SUGT1: variants seen among roughly 807,000 people sequenced by gnomAD.
SUGT1 encodes SGT1 assembly cochaperone of MIS12 kinetochore complex.
SUGT1 carries 15 observed loss-of-function variants against 56.1 expected under a neutral mutation model. The observed-to-expected ratio is 0.27, with a 90% confidence interval of 0.18 to 0.41. The LOEUF is 0.41. SUGT1 is among the 10% of genes least tolerant of loss of function. The probability of loss-of-function intolerance (pLI) is 1.00; values close to 1 mark genes in which losing one functional copy is unlikely to be tolerated. For synonymous variants in SUGT1, 123 were observed against 128.6 expected (o/e 0.96, Z 0.30); for missense variants, 347 against 382.2 (o/e 0.91, Z 0.77).
rs1204534323 is a variant in SUGT1, at chr13:52,698,777, C to T, written c.*10942C>T. 1 of 152,106 alleles carries T rather than the reference C, an allele frequency of 6.6e-6. No homozygotes were observed. Among genetic ancestry groups the T allele is most frequent in the Non-Finnish European group, 1.5e-5 (1 of 68,030 alleles). The allele number at this position is 152,106 out of a possible 1,614,324, so 9.4% of individuals were successfully genotyped here. On this transcript the variant is annotated 3_prime_UTR_variant, in exon 13 of 13. Coordinates refer to ENST00000310528, the MANE Select transcript of SUGT1 (RefSeq NM_006704.5). ...CTGCTGACATTCTGATATCGGACAA[C>T]TAAAATTATAACATTGGGCAGCTAT... is the stretch of plus-strand genomic sequence containing the variant.
At chr13:52,673,495 T>A (rs1594245570) in intron 10 of SUGT1, among the ~76,000 whole-genome samples, 1 of 152,212 alleles carries the variant, frequency 6.6e-6, no homozygotes, top group African/African-American at 2.4e-5. Flanking sequence ...AATTTCAAGT[T>A]GAGGTCAGCT....
chr13:52,672,159 T>C (rs1962972326), intron 10 of SUGT1, among the ~76,000 whole-genome samples: 1 of 152,186 alleles, frequency 6.6e-6, no homozygotes, highest in Non-Finnish European at 1.5e-5. Flanking sequence ...CTGGAAAAGA[T>C]AAAGGAGTTT....
At chr13:52,655,438 T>G (rs1435929740) in intron 2 of SUGT1, among the ~76,000 whole-genome samples, 1 of 152,212 alleles carries the variant, frequency 6.6e-6, no homozygotes, top group Non-Finnish European at 1.5e-5. Flanking sequence ...TTTTCTGAAT[T>G]ACAAAACCTA....
intron 7 of SUGT1, 118 bp from the exon 8 acceptor site, chr13:52,663,917 A>G (rs1208839962): frequency 3.2e-6 from 3 of 951,214 alleles, no homozygotes; most frequent in African/African-American, 3.4e-5. Context: ...GTTATTTTAT[A>G]TCAAAATAAC....
chr13:52,652,986 T>C (rs747213183), intron 1 of SUGT1, 28 bp downstream of exon 1: 1 of 1,614,178 alleles, frequency 6.2e-7, no homozygotes, highest in South Asian at 1.1e-5. Flanking sequence ...CCTTTGGTAT[T>C]TATTTTATCC....
intron 4 of SUGT1, among the ~76,000 whole-genome samples, 185 bp downstream of exon 4, chr13:52,658,653 T>C (rs1962279674): frequency 1.3e-5 from 2 of 152,112 alleles, no homozygotes; most frequent in African/African-American, 4.8e-5. Context: ...AAGTATGTGA[T>C]AGGAGATCTG....
chr13:52,660,544 G>A (rs1962395935), intron 5 of SUGT1, among the ~76,000 whole-genome samples: 1 of 152,150 alleles, frequency 6.6e-6, no homozygotes, highest in African/African-American at 2.4e-5. Context: ...TTGCCTTTCT[G>A]TTGTGTACCT....
Position 52,695,975 on chromosome 13 carries a change from T to TGG in SUGT1, c.*8140_*8141insGG, listed in dbSNP as rs1661788198. The TGG allele has an allele frequency of 1.3e-5, 2 of 152,238 alleles. No individual in the cohort carries two copies. The highest frequency in any genetic ancestry group is 4.1e-4 in the South Asian group (2 of 4,834). The allele number at this position is 152,238 out of a possible 1,614,324, so 9.4% of individuals were successfully genotyped here. A position where few individuals can be genotyped will look rare whatever the true frequency, so the allele number is the denominator to read the frequency against. ...ACTTTTGTGGCATTGGATTGGGTTA[T>TGG]TTGCTTATGGTTGAGACATCACTGG... is the stretch of plus-strand genomic sequence containing the variant. On this transcript the variant is annotated 3_prime_UTR_variant, in exon 13 of 13. Transcript: ENST00000310528.
intron 3 of SUGT1, among the ~76,000 whole-genome samples, chr13:52,657,894 A>G (rs1471061875): frequency 6.6e-6 from 1 of 152,234 alleles, no homozygotes; most frequent in African/African-American, 2.4e-5. Context: ...TTGACAGACT[A>G]TTAAAATGAA....
intron 7 of SUGT1, 32 bp downstream of exon 7, chr13:52,663,144 T>C: frequency 6.2e-7 from 1 of 1,600,416 alleles, no homozygotes; most frequent in Non-Finnish European, 8.5e-7. Context: ...TTCATGTTTT[T>C]ATTATTTTAA....
At chr13:52,658,296 T>C in intron 3 of SUGT1, 103 bp from the exon 4 acceptor site, 1 of 1,562,962 alleles carries the variant, frequency 6.4e-7, no homozygotes, top group Non-Finnish European at 8.6e-7. Context: ...ATTTGGCATT[T>C]CTACCAACTT....
chr13:52,665,466 T>C (rs1360429543), intron 8 of SUGT1, among the ~76,000 whole-genome samples, 171 bp from the exon 9 acceptor site: 1 of 151,664 alleles, frequency 6.6e-6, no homozygotes, highest in East Asian at 1.9e-4. Context: ...TTTCCATTAG[T>C]ACAGAGCATA....
In SUGT1 at chr13:52,697,552, C is replaced by T. The variant is rs1053192211; in HGVS notation, c.*9717C>T. The T allele has an allele frequency of 1.3e-5, 2 of 152,106 alleles. No homozygotes were observed. Among genetic ancestry groups the T allele is most frequent in the African/African-American group, 4.8e-5 (2 of 41,390 alleles). The allele number at this position is 152,106 out of a possible 1,614,324, so 9.4% of individuals were successfully genotyped here. A position where few individuals can be genotyped will look rare whatever the true frequency, so the allele number is the denominator to read the frequency against. ...ACAAAAGTTTGAATTGCTCACGTGT[C>T]CATTTTTTTTCTGGAATCCCTGAAG... On this transcript the variant is annotated 3_prime_UTR_variant, in exon 13 of 13. Coordinates refer to ENST00000310528, the MANE Select transcript of SUGT1 (RefSeq NM_006704.5).
At chr13:52,661,013 T>C (rs1962421445) in intron 5 of SUGT1, among the ~76,000 whole-genome samples, 1 of 152,142 alleles carries the variant, frequency 6.6e-6, no homozygotes, top group Non-Finnish European at 1.5e-5. Flanking sequence ...GGATTTGCCA[T>C]GTTGCCCAGG....
intron 10 of SUGT1, among the ~76,000 whole-genome samples, chr13:52,674,283 C>G (rs1299215567): frequency 6.6e-6 from 1 of 152,036 alleles, no homozygotes; most frequent in Non-Finnish European, 1.5e-5. Context: ...AACTCCTGAC[C>G]TCAGGTGATC....
At chr13:52,658,169 A>G in intron 3 of SUGT1, 2 of 1,456,886 alleles carry the variant, frequency 1.4e-6, no homozygotes, top group Non-Finnish European at 1.8e-6. Flanking sequence ...ATTTTGTGAC[A>G]CAGCTGTATT....
intron 12 of SUGT1, among the ~76,000 whole-genome samples, chr13:52,684,305 G>C (rs1963488382): frequency 6.6e-6 from 1 of 151,902 alleles, no homozygotes; most frequent in Non-Finnish European, 1.5e-5. Context: ...CCTTGCTAGA[G>C]GTTTAAAGGA....
intron 1 of SUGT1, 37 bp downstream of exon 1, chr13:52,652,995 C>A: frequency 1.2e-6 from 2 of 1,614,164 alleles, no homozygotes; most frequent in Non-Finnish European, 1.7e-6. Flanking sequence ...TTTATTTTAT[C>A]CCCCTTTCCT....
At chr13:52,684,169 A>G (rs922741906) in intron 12 of SUGT1, among the ~76,000 whole-genome samples, 2 of 152,024 alleles carry the variant, frequency 1.3e-5, no homozygotes, top group Admixed American at 6.5e-5. Flanking sequence ...CCAAAGTGCT[A>G]GGATTACAGG....
Sources: gnomAD v4.1 joint callset for allele counts (sites outside exome capture counted in the v4.1 genomes callset) on GRCh38, gnomAD v4.1.1 for gene constraint, MANE v1.5 for transcripts, NCBI Gene and HGNC (gene_info 2026-07-23, HGNC 2026-07-21) for gene names.